Variants in TTLL4 observed in about 807,000 individuals in gnomAD.
The protein encoded by TTLL4 is tubulin monoglutamylase TTLL4.
In TTLL4, 85 loss-of-function variants were observed where a neutral mutation model predicts 122.7. The observed-to-expected ratio is 0.69, with a 90% CI of 0.58 to 0.83. The LOEUF (loss-of-function observed/expected upper bound fraction) is 0.83, where lower values mean the gene tolerates loss of function less well. Ranked by LOEUF, TTLL4 falls within the 40% of genes least tolerant of loss-of-function variation. The pLI, the probability that TTLL4 is intolerant of heterozygous loss-of-function variation, is 0.00. For missense variants in TTLL4, 1,363 were observed against 1,488.6 expected, an observed-to-expected ratio of 0.92 and a Z score of 1.39; for synonymous variants, 553 against 563.0, an observed-to-expected ratio of 0.98 and a Z score of 0.25.
Position 218,747,647 on chromosome 2 carries a change from T to C in TTLL4, c.2300T>C (p.Ile767Thr), listed in dbSNP as rs752874219. The change falls in exon 11 of 20, where the codon ATC becomes ACC. Residue 767 changes from isoleucine (I) to threonine (T), a missense_variant. By Grantham distance (89) the Ile-to-Thr change is moderately conservative. Around this residue, in one of 3 missense-constraint regions of TTLL4, gnomAD observed 596 missense variants for 655.8 expected, o/e 0.91. Transcript: ENST00000392102. The surrounding 1 kb of genome is among the most constrained non-coding windows in gnomAD (Gnocchi z 4.7). ...AGCGGCAGCAAGTTTGACCTGCGGA[T>C]CTATGTTTATGTCACTTCCTACGAT... ...LISGSKFDLRIYVYVTSYDPL... is the reference protein window; with the variant it reads ...LISGSKFDLRTYVYVTSYDPL... 4 of 1,614,208 alleles carry C rather than the reference T, an allele frequency of 2.5e-6. No homozygotes were observed. Among genetic ancestry groups the C allele is most frequent in the Non-Finnish European group, 3.4e-6 (4 of 1,180,048 alleles).
In TTLL4 at chr2:218,747,403, T is replaced by A; in HGVS notation, c.2249+31T>A. 4 of 1,606,772 alleles carry A rather than the reference T, an allele frequency of 2.5e-6. No individual in the cohort carries two copies. Among genetic ancestry groups the A allele is most frequent in the Non-Finnish European group, 3.4e-6 (4 of 1,176,062 alleles). On this transcript the variant is annotated intron_variant, in intron 10 of 19. Transcript: ENST00000392102. This position sits in a 1 kb window ranked among gnomAD's most constrained non-coding sequence, Gnocchi z 4.7. ...CCTGTAGCACATATCCCTTACCCCA[T>A]CCTCCCACCTCCTTGGCCTCGAGGT...
chr2:218,718,541 G>A (rs571207737), intron 1 of TTLL4, among the ~76,000 whole-genome samples: 1 of 152,150 alleles, frequency 6.6e-6, no homozygotes, highest in African/African-American at 2.4e-5. Flanking sequence ...ACCATGCCTG[G>A]CTAGTTTTGT....
intron 19 of TTLL4, 68 bp from the exon 20 acceptor site, chr2:218,754,066 C>A (rs2106466860): frequency 6.3e-7 from 1 of 1,596,034 alleles, no homozygotes; most frequent in African/African-American, 1.3e-5. Flanking sequence ...AGACTGAAGG[C>A]AAATCCTAAG....
At position 218,745,114 on chromosome 2, in the gene TTLL4, G is replaced by A; in HGVS notation, c.1667G>A (p.Cys556Tyr). ...SESVAMISRS[C>Y]MEILTKPLSN... ...ATGTTTGTTTTTCGTCTTAGAAGCTGTATGGAAATTCTGACCAAACCCCTT... is the reference window on the plus strand; with the variant it reads ...ATGTTTGTTTTTCGTCTTAGAAGCTATATGGAAATTCTGACCAAACCCCTT... Residue 556 changes from cysteine to tyrosine, a missense_variant, in exon 6 of 20, where the codon TGT becomes TAT. Physicochemically the swap from Cys to Tyr is radical, Grantham distance 194. Transcript: ENST00000392102. The A allele has an allele frequency of 6.2e-7, 1 of 1,614,004 alleles. No individual in the cohort carries two copies. The highest frequency in any genetic ancestry group is 8.5e-7 in the Non-Finnish European group (1 of 1,179,922).
At chr2:218,736,903 A>G (rs1942540687) in intron 2 of TTLL4, among the ~76,000 whole-genome samples, 1 of 147,548 alleles carries the variant, frequency 6.8e-6, no homozygotes, top group Non-Finnish European at 1.5e-5. Flanking sequence ...ATGCTGGAGT[A>G]CAGTGACACC....
intron 13 of TTLL4, 73 bp from the exon 14 acceptor site, chr2:218,749,180 T>C (rs1209724071): frequency 1.3e-6 from 2 of 1,576,664 alleles, no homozygotes; most frequent in Middle Eastern, 1.7e-4. Flanking sequence ...TGGGCCACTC[T>C]TTTGGCAGGA....
rs1175724826 is a variant in TTLL4 at position 218,752,967 on chromosome 2, C to T, written c.3181C>T (p.Leu1061Phe). 1.2e-5 allele frequency: 20 copies of T among 1,614,048 alleles called. No individual in the cohort carries two copies. Among genetic ancestry groups the T allele is most frequent in the East Asian group, 2.2e-5 (1 of 44,902 alleles). Residue 1061 changes from leucine (L) to phenylalanine (F), a missense_variant, in exon 17 of 20, where the codon CTT becomes TTT. By Grantham distance (22) the Leu-to-Phe change is conservative (BLOSUM62 0). Coordinates refer to ENST00000392102, the MANE Select transcript of TTLL4 (RefSeq NM_014640.5). ...QWEQKYHGNKLKGVDLLRSWC... is the reference protein window; with the variant it reads ...QWEQKYHGNKFKGVDLLRSWC... Reference sequence around the variant, plus strand: ...GGAACAGAAATACCATGGCAACAAGCTTAAAGGTGATGTGCCCTCCCTGCC... The same window carrying T: ...GGAACAGAAATACCATGGCAACAAGTTTAAAGGTGATGTGCCCTCCCTGCC...
intron 2 of TTLL4, among the ~76,000 whole-genome samples, chr2:218,729,981 T>A (rs903443456): frequency 2.4e-4 from 36 of 152,128 alleles, no homozygotes; most frequent in African/African-American, 8.7e-4. Flanking sequence ...TGGTCTTAAG[T>A]GATCCTTCTA....
At chr2:218,715,494 C>G (rs1317501641) in intron 1 of TTLL4, among the ~76,000 whole-genome samples, 1 of 152,186 alleles carries the variant, frequency 6.6e-6, no homozygotes, top group Non-Finnish European at 1.5e-5. Context: ...ATGGTATAGC[C>G]TATTGCTCCT....
intron 14 of TTLL4, 112 bp downstream of exon 14, chr2:218,749,499 C>T (rs1300402123): frequency 4.9e-5 from 70 of 1,421,128 alleles, no homozygotes; most frequent in Non-Finnish European, 6.4e-5. Context: ...GATGGAGTCT[C>T]GCTCTGTCTC....
At chr2:218,713,527 G>A (rs1941774695) in intron 1 of TTLL4, among the ~76,000 whole-genome samples, 1 of 152,154 alleles carries the variant, frequency 6.6e-6, no homozygotes, top group Admixed American at 6.5e-5. Flanking sequence ...TGATCCTCCT[G>A]CCTCAGCTTC....
chr2:218,739,188 A>T, intron 3 of TTLL4, 25 bp downstream of exon 3: 1 of 1,595,962 alleles, frequency 6.3e-7, no homozygotes, highest in Non-Finnish European at 8.5e-7. Context: ...TTTTTGGTTC[A>T]TTTAGAGCAG....
At chr2:218,711,429 A>G (rs1407974616) in intron 1 of TTLL4, among the ~76,000 whole-genome samples, 2 of 149,952 alleles carry the variant, frequency 1.3e-5, no homozygotes, top group Non-Finnish European at 1.5e-5. Flanking sequence ...TAACATGGAT[A>G]TCTGCTTTTT....
chr2:218,757,821 G>A (rs1398257943), downstream of TTLL4, among the ~76,000 whole-genome samples: 1 of 152,134 alleles, frequency 6.6e-6, no homozygotes, highest in Non-Finnish European at 1.5e-5. Context: ...CCCAAGATAG[G>A]TGACCAACAA....
At chr2:218,754,064 G>C in intron 19 of TTLL4, 70 bp from the exon 20 acceptor site, 2 of 1,595,642 alleles carry the variant, frequency 1.3e-6, no homozygotes, top group Non-Finnish European at 1.7e-6. Flanking sequence ...CCAGACTGAA[G>C]GCAAATCCTA....
intron 2 of TTLL4, among the ~76,000 whole-genome samples, chr2:218,728,615 C>G (rs1942262978): frequency 6.6e-6 from 1 of 152,140 alleles, no homozygotes; most frequent in Non-Finnish European, 1.5e-5. Flanking sequence ...GGAGCACTGC[C>G]CTTCGCAAAT....
chr2:218,724,391 T>C (rs372115020), intron 1 of TTLL4, among the ~76,000 whole-genome samples: 1 of 152,174 alleles, frequency 6.6e-6, no homozygotes, highest in South Asian at 2.1e-4. Flanking sequence ...CAAATGGACT[T>C]ACTTCTTGCT....
intron 1 of TTLL4, among the ~76,000 whole-genome samples, chr2:218,722,842 AT>A (rs1942084926): frequency 6.6e-6 from 1 of 152,242 alleles, no homozygotes; most frequent in South Asian, 2.1e-4. Context: ...AAAGACATAT[AT>A]TTGAAGCTGG....
At chr2:218,759,553 G>T (rs1943203005), downstream of TTLL4, among the ~76,000 whole-genome samples, 1 of 152,178 alleles carries the variant, frequency 6.6e-6, no homozygotes, top group African/African-American at 2.4e-5. Flanking sequence ...GCTTGCCAGG[G>T]ACTATAGATG....
Sources: allele counts gnomAD v4.1 joint callset (sites outside exome capture counted in the v4.1 genomes callset), GRCh38; gene constraint gnomAD v4.1.1; regional missense constraint gnomAD v4.1.1; non-coding constraint Gnocchi (gnomAD v3.1); transcripts MANE v1.5; gene names NCBI Gene and HGNC (gene_info 2026-07-23, HGNC 2026-07-21).